Variants in ZC4H2 observed in about 807,000 individuals in gnomAD.
ZC4H2 encodes zinc finger C4H2-type containing, also known as zinc finger C4H2 domain-containing protein.
For missense variants in ZC4H2, 137 were observed against 173.9 expected (o/e 0.79, Z 1.19); for synonymous variants, 84 against 66.3 (o/e 1.27, Z -1.30).
At chrX:64,943,516 T>C (rs1336572189) in intron 1 of ZC4H2, among the ~76,000 whole-genome samples, 1 of 112,038 alleles carries the variant, frequency 8.9e-6, no homozygotes, top group African/African-American at 3.3e-5. Context: ...TTGGTGCTCC[T>C]GTATTGGGTG....
At chrX:64,993,526 G>A (rs1932351330) in intron 1 of ZC4H2, among the ~76,000 whole-genome samples, 1 of 111,613 alleles carries the variant, frequency 9.0e-6, no homozygotes, top group African/African-American at 3.3e-5. Context: ...GCCATGTAAA[G>A]TTACAGTGAG....
intron 1 of ZC4H2, among the ~76,000 whole-genome samples, chrX:64,951,719 G>C (rs1191900405): frequency 1.8e-5 from 2 of 110,215 alleles, no homozygotes; most frequent in Admixed American, 9.6e-5. Context: ...CAGATGAGTA[G>C]GTTGCAAAAA....
chrX:65,016,710 G>T (rs897592595), intron 1 of ZC4H2, among the ~76,000 whole-genome samples: 1 of 112,006 alleles, frequency 8.9e-6, no homozygotes. Context: ...AGAGCATCAT[G>T]TTATTATTAG....
intron 1 of ZC4H2, among the ~76,000 whole-genome samples, chrX:65,026,537 G>C (rs918051986): frequency 1.8e-5 from 2 of 110,346 alleles, no homozygotes; most frequent in East Asian, 2.9e-4. Flanking sequence ...GTGAAACCCT[G>C]TCTCTAATAA....
Position 64,916,161 on chromosome X carries a change from T to C in ZC4H2, c.*1622A>G, listed in dbSNP as rs1483612441. 1.8e-5 allele frequency: 2 copies of C among 110,462 alleles called. No individual in the cohort carries two copies. Among genetic ancestry groups the C allele is most frequent in the Non-Finnish European group, 3.8e-5 (2 of 52,638 alleles). The allele number at this position is 110,462 out of a possible 1,213,427, so 9.1% of individuals were successfully genotyped here. On this transcript the variant is annotated 3_prime_UTR_variant, in exon 5 of 5. Transcript: ENST00000374839. ...TAAGTTTTTGGAGGTTCAGTATCCC[T>C]TTTTTTTTAAAATGGTGATAAGAAT...
chrX:64,934,427 C>A (rs1201068192), intron 1 of ZC4H2, among the ~76,000 whole-genome samples: 1 of 112,050 alleles, frequency 8.9e-6, no homozygotes, highest in African/African-American at 3.2e-5. Context: ...CCATTTCATG[C>A]AATTTGTCCA....
intron 1 of ZC4H2, among the ~76,000 whole-genome samples, chrX:64,949,688 GTGATA>G (rs1219905759): frequency 9.0e-6 from 1 of 111,496 alleles, no homozygotes; most frequent in African/African-American, 3.3e-5. Flanking sequence ...GGGATTGGTG[GTGATA>G]TCCCCTTTAT....
intron 3 of ZC4H2, 70 bp downstream of exon 3, chrX:64,920,011 T>C: frequency 9.3e-7 from 1 of 1,075,101 alleles, no homozygotes; most frequent in Non-Finnish European, 1.3e-6. Context: ...CCCGTGTGTG[T>C]GTAGGTATGT....
At chrX:64,954,372 AATTATATATATT>A (rs1931060099) in intron 1 of ZC4H2, among the ~76,000 whole-genome samples, 2 of 74,340 alleles carry the variant, frequency 2.7e-5, no homozygotes, top group Admixed American at 1.5e-4. Flanking sequence ...ATATATATAT[AATTATATATATT>A]TATAATTATA....
intron 1 of ZC4H2, among the ~76,000 whole-genome samples, chrX:64,928,352 T>C (rs957111556): frequency 2.7e-5 from 3 of 112,182 alleles, no homozygotes; most frequent in Non-Finnish European, 5.6e-5. Context: ...GCTAGCCAGT[T>C]TTCCCAACAC....
At chrX:64,976,466 G>T, upstream of ZC4H2, 3 of 1,017,821 alleles carry the variant, frequency 2.9e-6, no homozygotes, top group Non-Finnish European at 2.8e-6. Context: ...CCTCCTCCGG[G>T]CTTGGGGCTA....
chrX:65,011,065 T>C (rs1206433275), intron 1 of ZC4H2, among the ~76,000 whole-genome samples: 1 of 111,532 alleles, frequency 9.0e-6, no homozygotes, highest in Non-Finnish European at 1.9e-5. Context: ...AGAAACAGAA[T>C]AAACAGTCTT....
At chrX:64,969,648 T>G (rs1363482160) in intron 1 of ZC4H2, among the ~76,000 whole-genome samples, 2 of 111,601 alleles carry the variant, frequency 1.8e-5, no homozygotes, top group African/African-American at 3.3e-5. Context: ...AAATGTAAAT[T>G]CTCAGGCCCC....
upstream of ZC4H2, among the ~76,000 whole-genome samples, chrX:64,978,899 G>T (rs1164991947): frequency 9.0e-6 from 1 of 111,323 alleles, no homozygotes; most frequent in African/African-American, 3.3e-5. Flanking sequence ...CAGCCTTTGA[G>T]ATTTTAAATT....
chrX:64,918,113 A>T, intron 4 of ZC4H2: 1 of 346,359 alleles, frequency 2.9e-6, no homozygotes, highest in Non-Finnish European at 4.8e-6. Context: ...AGTATACAAA[A>T]CTAGAAAGTA....
intron 1 of ZC4H2, among the ~76,000 whole-genome samples, chrX:64,945,874 C>T (rs1159129788): frequency 2.7e-5 from 3 of 111,117 alleles, no homozygotes; most frequent in Admixed American, 9.6e-5. Flanking sequence ...GCTTTGTTTA[C>T]ACTGTGTGGG....
intron 1 of ZC4H2, among the ~76,000 whole-genome samples, chrX:64,959,757 T>C (rs1264919188): frequency 9.1e-6 from 1 of 110,264 alleles, no homozygotes; most frequent in Non-Finnish European, 1.9e-5. Flanking sequence ...AGTTCACATG[T>C]GCTCAGATAC....
At chrX:64,954,330 AT>A (rs1931037485) in intron 1 of ZC4H2, among the ~76,000 whole-genome samples, 1 of 77,193 alleles carries the variant, frequency 1.3e-5, no homozygotes, top group Non-Finnish European at 2.2e-5. Flanking sequence ...ATATATATAT[AT>A]ATATATAATT....
intron 1 of ZC4H2, among the ~76,000 whole-genome samples, chrX:64,957,818 T>C: frequency 9.0e-6 from 1 of 110,729 alleles, no homozygotes; most frequent in African/African-American, 3.3e-5. Context: ...GCCATGATCA[T>C]GCCCCTGCAC....
Sources: allele counts gnomAD v4.1 joint callset (sites outside exome capture counted in the v4.1 genomes callset), GRCh38; gene constraint gnomAD v4.1.1; transcripts MANE v1.5; gene names NCBI Gene and HGNC (gene_info 2026-07-23, HGNC 2026-07-21).